Variants in DSCAM observed in about 807,000 individuals in gnomAD.
DSCAM encodes the protein cell adhesion molecule DSCAM.
Under a neutral mutation model 217.7 loss-of-function variants are expected in DSCAM, and 47 were observed. The observed-to-expected ratio is 0.22, with a 90% CI of 0.17 to 0.28. The LOEUF is 0.28. Among genes scored for constraint, DSCAM ranks in the 10% least tolerant of loss-of-function variants. The probability of loss-of-function intolerance (pLI) is 1.00; values close to 1 mark genes in which losing one functional copy is unlikely to be tolerated. For synonymous variants in DSCAM, 1,056 were observed against 1,015.3 expected, an observed-to-expected ratio of 1.04 and a Z score of -0.76; for missense variants, 2,080 against 2,618.3, an observed-to-expected ratio of 0.79 and a Z score of 4.49.
chr21:40,761,485 G>T (rs932873835), intron 1 of DSCAM, among the ~76,000 whole-genome samples: 1 of 147,682 alleles, frequency 6.8e-6, no homozygotes, highest in Non-Finnish European at 1.5e-5. Context: ...ATGTGATCAT[G>T]AATACAGACA....
At chr21:40,509,501 G>C (rs1360055921) in intron 3 of DSCAM, among the ~76,000 whole-genome samples, 2 of 152,168 alleles carry the variant, frequency 1.3e-5, no homozygotes, top group Non-Finnish European at 2.9e-5. Context: ...CTCTCACTCA[G>C]AGCCTGGGGC....
At chr21:40,185,159 G>A (rs59744598) in intron 14 of DSCAM, among the ~76,000 whole-genome samples, 10,904 of 152,216 alleles carry the variant, frequency 0.072, 1,240 homozygotes, top group African/African-American at 0.24. Context: ...TACATATATA[G>A]TGACCCATAA....
intron 19 of DSCAM, among the ~76,000 whole-genome samples, chr21:40,131,347 T>A (rs1475139377): frequency 6.6e-6 from 1 of 152,212 alleles, no homozygotes; most frequent in Non-Finnish European, 1.5e-5. Flanking sequence ...CGTTTCTAAA[T>A]TATTGAATTT....
intron 1 of DSCAM, among the ~76,000 whole-genome samples, chr21:40,735,293 T>C (rs2091051846): frequency 1.3e-5 from 2 of 152,166 alleles, no homozygotes; most frequent in Admixed American, 1.3e-4. Flanking sequence ...ATTCAAAAGA[T>C]ACATGAGCAG....
At chr21:40,509,909 G>A (rs183916959) in intron 3 of DSCAM, among the ~76,000 whole-genome samples, 112 of 152,284 alleles carry the variant, frequency 7.4e-4, no homozygotes, top group African/African-American at 2.4e-3. Flanking sequence ...CGGATCACGA[G>A]TTCAAGAGAT....
chr21:40,563,576 T>A (rs2076738163), intron 3 of DSCAM, among the ~76,000 whole-genome samples: 1 of 79,094 alleles, frequency 1.3e-5, no homozygotes, highest in Non-Finnish European at 2.7e-5. Flanking sequence ...TATATATAGT[T>A]ATATGTTTAT....
chr21:40,195,615 G>A (rs1202955070), intron 11 of DSCAM, among the ~76,000 whole-genome samples: 2 of 152,150 alleles, frequency 1.3e-5, no homozygotes, highest in Non-Finnish European at 2.9e-5. Flanking sequence ...AACACAGGAA[G>A]TCTGTATCCT....
chr21:40,511,677 T>C, intron 3 of DSCAM, among the ~76,000 whole-genome samples: 1 of 152,054 alleles, frequency 6.6e-6, no homozygotes, highest in Non-Finnish European at 1.5e-5. Context: ...TATACATAAG[T>C]CACTCTTTCA....
intron 3 of DSCAM, among the ~76,000 whole-genome samples, chr21:40,538,121 G>T (rs933936146): frequency 2.0e-5 from 3 of 152,180 alleles, no homozygotes; most frequent in Non-Finnish European, 4.4e-5. Context: ...TTGGGTAAAG[G>T]TCTGCTTGAC....
intron 3 of DSCAM, among the ~76,000 whole-genome samples, chr21:40,685,041 C>G (rs1454313708): frequency 6.6e-6 from 1 of 152,164 alleles, no homozygotes; most frequent in East Asian, 1.9e-4. Context: ...TGTTTTCAGA[C>G]CTTAAAATAA....
At chr21:40,163,988 T>C (rs1306958292) in intron 16 of DSCAM, among the ~76,000 whole-genome samples, 3 of 152,198 alleles carry the variant, frequency 2.0e-5, no homozygotes, top group Non-Finnish European at 2.9e-5. Context: ...AGCTCACATA[T>C]ACACTCACCT....
chr21:40,294,989 T>G (rs2073937970), intron 10 of DSCAM, among the ~76,000 whole-genome samples: 1 of 152,176 alleles, frequency 6.6e-6, no homozygotes, highest in Non-Finnish European at 1.5e-5. Context: ...ACCTTCCTTC[T>G]CAAAAGAGAG....
rs918678243 is a variant in DSCAM, at chr21:40,786,299, G to GAAGA, written c.43+60316_43+60319dup. Reference sequence around the variant, plus strand: ...GAAAGAAAAAAAGGAAGGAAGGAAGGAAGAAAGAAAGAGGGAGAAAGAAAG... The same window carrying GAAGA: ...GAAAGAAAAAAAGGAAGGAAGGAAGGAAGAAAGAAAGAAAGAGGGAGAAAGAAAG... On this transcript the variant is annotated intron_variant, in intron 1 of 32. Transcript: ENST00000400454. 8.0e-5 allele frequency among the ~76,000 whole-genome samples: 12 copies of GAAGA among 149,960 alleles called. 1 individual carries two copies. Among genetic ancestry groups the GAAGA allele is most frequent in the Admixed American group, 5.3e-4 (8 of 14,976 alleles).
At chr21:40,392,436 A>G (rs1014962051) in intron 3 of DSCAM, among the ~76,000 whole-genome samples, 9 of 152,328 alleles carry the variant, frequency 5.9e-5, no homozygotes, top group African/African-American at 1.7e-4. Context: ...ATAGGATGAG[A>G]GTGGATTAGA....
At chr21:40,400,073 G>C (rs958295405) in intron 3 of DSCAM, among the ~76,000 whole-genome samples, 11 of 152,168 alleles carry the variant, frequency 7.2e-5, no homozygotes, top group African/African-American at 2.2e-4. Flanking sequence ...GCATTCCCCA[G>C]ACTCAACCTT....
chr21:40,775,929 G>A (rs1186075946), intron 1 of DSCAM, among the ~76,000 whole-genome samples: 2 of 152,156 alleles, frequency 1.3e-5, no homozygotes, highest in Non-Finnish European at 2.9e-5. Flanking sequence ...TATTTCAGAC[G>A]ACTGTAGTTA....
chr21:40,218,956 A>C (rs1337571676), intron 11 of DSCAM, among the ~76,000 whole-genome samples: 2 of 152,288 alleles, frequency 1.3e-5, no homozygotes, highest in East Asian at 3.9e-4. Flanking sequence ...TCCTATTTGG[A>C]TGCCCTTTAT....
chr21:40,222,725 T>TA (rs1335237800), intron 11 of DSCAM, among the ~76,000 whole-genome samples: 1 of 152,122 alleles, frequency 6.6e-6, no homozygotes, highest in Non-Finnish European at 1.5e-5. Context: ...AGTTGTCATT[T>TA]AAAAAAATAT....
chr21:40,245,259 G>A (rs560232020), intron 11 of DSCAM, among the ~76,000 whole-genome samples: 2 of 152,216 alleles, frequency 1.3e-5, no homozygotes, highest in African/African-American at 4.8e-5. Flanking sequence ...GGTCTGGAGA[G>A]GCAGCCAGCA....
Sources: allele counts gnomAD v4.1 joint callset (sites outside exome capture counted in the v4.1 genomes callset), GRCh38; gene constraint gnomAD v4.1.1; transcripts MANE v1.5; gene names NCBI Gene and HGNC (gene_info 2026-07-23, HGNC 2026-07-21).